Variants in AXDND1 observed in about 807,000 individuals in gnomAD.
AXDND1 encodes the protein axonemal dynein light chain domain containing 1, also known as axonemal dynein light chain domain-containing protein 1.
AXDND1 carries 110 observed loss-of-function variants against 137.5 expected under a neutral mutation model. The ratio of observed to expected loss-of-function variants is 0.80; its 90% CI spans 0.69 to 0.94. AXDND1 has a LOEUF of 0.94. AXDND1 is among the 40% of genes least tolerant of loss of function. AXDND1 has a pLI of 0.00. For synonymous variants in AXDND1, 414 were observed against 399.7 expected, an observed-to-expected ratio of 1.04 and a Z score of -0.43; for missense variants, 1,191 against 1,169.8, an observed-to-expected ratio of 1.02 and a Z score of -0.26.
intron 18 of AXDND1, 25 bp downstream of exon 18, chr1:179,483,246 C>T (rs10494519): frequency 0.071 from 107,767 of 1,513,548 alleles, 4,588 homozygotes; most frequent in African/African-American, 0.18. Context: ...GGGTTTTTGA[C>T]GTTATATTTT....
chr1:179,389,532 C>T (rs1649793394), intron 9 of AXDND1, among the ~76,000 whole-genome samples: 1 of 152,128 alleles, frequency 6.6e-6, no homozygotes, highest in African/African-American at 2.4e-5. Flanking sequence ...CTACACTTGC[C>T]CACGTCTCCC....
chr1:179,420,746 C>G (rs980290348), intron 12 of AXDND1, among the ~76,000 whole-genome samples: 2 of 151,884 alleles, frequency 1.3e-5, no homozygotes, highest in African/African-American at 4.8e-5. Context: ...TCTCAGCCTC[C>G]TGAGTTGCTG....
At chr1:179,528,004 C>T (rs75426032) in intron 22 of AXDND1, among the ~76,000 whole-genome samples, 3,704 of 152,222 alleles carry the variant, frequency 0.024, 161 homozygotes, top group African/African-American at 0.084. Flanking sequence ...CCTTGGAGCA[C>T]ACTTTTATGC....
At chr1:179,443,242 C>G (rs11582293) in intron 15 of AXDND1, among the ~76,000 whole-genome samples, 44,339 of 151,896 alleles carry the variant, frequency 0.29, 6,671 homozygotes, top group Non-Finnish European at 0.31. Context: ...TGAGTTGGTC[C>G]CGTCCCACGG....
In AXDND1 at chr1:179,404,363, A is replaced by T. The variant is rs4330884; in HGVS notation, c.1110-6783A>T. Among the ~76,000 whole-genome samples the T allele has an allele frequency of 7.8e-3, 1,181 of 151,808 alleles. 5 individuals are homozygous for T. Among genetic ancestry groups the T allele is most frequent in the Non-Finnish European group, 0.012 (783 of 67,920 alleles). On this transcript the variant is annotated intron_variant, in intron 11 of 25. Coordinates refer to ENST00000367618, the MANE Select transcript of AXDND1 (RefSeq NM_144696.6). ...CAGCCTCCTGAGTAGCTGGGAGTAC[A>T]GGCATCCGCCACCACACCCAGTTAA...
In AXDND1 at chr1:179,487,193, A is replaced by G. The variant is rs950747156; in HGVS notation, c.2091+3972A>G. 1.5e-4 allele frequency among the ~76,000 whole-genome samples: 22 copies of G among 148,314 alleles called. 4 individuals carry two copies. The highest frequency in any genetic ancestry group is 5.7e-4 in the African/African-American group (22 of 38,858). Reference sequence around the variant, plus strand: ...CTAATTTCAGAAAAAACAGACATTTATTTTCCCTCCTGATCCATGTTCTTA... The same window carrying G: ...CTAATTTCAGAAAAAACAGACATTTGTTTTCCCTCCTGATCCATGTTCTTA... On this transcript the variant is annotated intron_variant, in intron 18 of 25. Coordinates refer to ENST00000367618, the MANE Select transcript of AXDND1 (RefSeq NM_144696.6).
chr1:179,457,085 A>G, intron 16 of AXDND1: 5 of 1,344,566 alleles, frequency 3.7e-6, no homozygotes, highest in Non-Finnish European at 4.2e-6. Context: ...CTTTGGTTCC[A>G]CAACTCTTCC....
In AXDND1 at chr1:179,426,417, T is replaced by C. The variant is rs557050390; in HGVS notation, c.1231-3101T>C. ...AATAAGATGGAACATACAGAATAAT[T>C]AGATAACATTTTTAGCTTAGCATAT... On this transcript the variant is annotated intron_variant, in intron 12 of 25. Transcript: ENST00000367618. 2.0e-5 allele frequency among the ~76,000 whole-genome samples: 3 copies of C among 152,274 alleles called. No homozygotes were observed. The South Asian group carries it at 6.2e-4, about 32-fold the overall frequency.
intron 9 of AXDND1, among the ~76,000 whole-genome samples, chr1:179,391,996 A>T (rs1332304644): frequency 6.6e-6 from 1 of 152,146 alleles, no homozygotes; most frequent in Non-Finnish European, 1.5e-5. Flanking sequence ...AGTCAATTAA[A>T]TCTCTTTCCT....
intron 25 of AXDND1, among the ~76,000 whole-genome samples, chr1:179,554,030 A>G (rs545761522): frequency 2.6e-5 from 4 of 151,198 alleles, no homozygotes; most frequent in African/African-American, 9.7e-5. Flanking sequence ...CTTCTGCCTC[A>G]GCCTCCCTGG....
At chr1:179,554,238 T>G (rs966965772) in intron 25 of AXDND1, among the ~76,000 whole-genome samples, 2 of 152,142 alleles carry the variant, frequency 1.3e-5, no homozygotes, top group African/African-American at 4.8e-5. Context: ...TCATGTAAAT[T>G]TTATCTAAAA....
chr1:179,483,971 C>T (rs1665727353), intron 18 of AXDND1, among the ~76,000 whole-genome samples: 1 of 152,134 alleles, frequency 6.6e-6, no homozygotes, highest in South Asian at 2.1e-4. Context: ...AAGACTGGTG[C>T]ACTCCAAGCA....
At chr1:179,401,296 A>C (rs2125171690) in intron 11 of AXDND1, among the ~76,000 whole-genome samples, 1 of 150,638 alleles carries the variant, frequency 6.6e-6, no homozygotes, top group African/African-American at 2.4e-5. Flanking sequence ...TGCCTATTTC[A>C]GTAAATTTTT....
At chr1:179,430,108 C>T (rs1463703503) in intron 13 of AXDND1, among the ~76,000 whole-genome samples, 1 of 151,406 alleles carries the variant, frequency 6.6e-6, no homozygotes, top group Non-Finnish European at 1.5e-5. Context: ...ATATCATTGC[C>T]CAAGGTTACA....
intron 11 of AXDND1, among the ~76,000 whole-genome samples, chr1:179,400,600 T>TAAAAAAA (rs71111986): frequency 5.8e-5 from 8 of 138,308 alleles, no homozygotes; most frequent in African/African-American, 1.9e-4. Flanking sequence ...AGGGAAGAAA[T>TAAAAAAA]AAAAAAAAAA....
intron 25 of AXDND1, chr1:179,552,435 A>G (rs1300180625): frequency 3.0e-6 from 2 of 659,912 alleles, no homozygotes; most frequent in Non-Finnish European, 5.5e-6. Context: ...TGCATTAGTC[A>G]GGGGACTATT....
At position 179,437,212 on chromosome 1, in the gene AXDND1, C is replaced by T. The variant is rs968341596; in HGVS notation, c.1563+4870C>T. Among the ~76,000 whole-genome samples the T allele has an allele frequency of 6.6e-5, 10 of 151,954 alleles. No individual in the cohort carries two copies. The East Asian group carries it at 7.7e-4, about 12-fold the overall frequency. Reference sequence around the variant, plus strand: ...AAAGAGTATATTTGGAAGAAGGGGTCGGGGGCACCTTGCCTCTAGTGGACA... The same window carrying T: ...AAAGAGTATATTTGGAAGAAGGGGTTGGGGGCACCTTGCCTCTAGTGGACA... On this transcript the variant is annotated intron_variant, in intron 15 of 25. Transcript: ENST00000367618.
chr1:179,509,152 C>T, intron 20 of AXDND1, 144 bp from the exon 21 acceptor site: 1 of 559,462 alleles, frequency 1.8e-6, no homozygotes, highest in Non-Finnish European at 3.1e-6. Flanking sequence ...AGCCAGTCAC[C>T]ACTGCACAAC....
chr1:179,411,079 T>TA (rs1553262409), intron 11 of AXDND1, 67 bp from the exon 12 acceptor site: 1 of 1,294,534 alleles, frequency 7.7e-7, no homozygotes, highest in Non-Finnish European at 1.0e-6. Flanking sequence ...ATTTCTTTTT[T>TA]AAAAAATATA....
Sources: allele counts gnomAD v4.1 joint callset (sites outside exome capture counted in the v4.1 genomes callset), GRCh38; gene constraint gnomAD v4.1.1; transcripts MANE v1.5; gene names NCBI Gene and HGNC (gene_info 2026-07-23, HGNC 2026-07-21).